Variants in ANO10 observed in about 807,000 individuals in gnomAD.
The protein encoded by ANO10 is anoctamin 10.
ANO10 carries 77 observed loss-of-function variants against 74.7 expected under a neutral mutation model. The ratio of observed to expected loss-of-function variants is 1.03; its 90% CI spans 0.86 to 1.25. The LOEUF is 1.25. Ranked by LOEUF, ANO10 falls within the 50% of genes most tolerant of loss-of-function variation. The probability of loss-of-function intolerance (pLI) is 0.00; values close to 1 mark genes in which losing one functional copy is unlikely to be tolerated. For missense variants in ANO10, 721 were observed against 778.1 expected, an observed-to-expected ratio of 0.93 and a Z score of 0.87; for synonymous variants, 279 against 284.9, an observed-to-expected ratio of 0.98 and a Z score of 0.21.
chr3:43,672,703 T>C (rs1336440307), intron 1 of ANO10, among the ~76,000 whole-genome samples: 1 of 152,208 alleles, frequency 6.6e-6, no homozygotes, highest in Non-Finnish European at 1.5e-5. Context: ...TCCATTTCTT[T>C]GTGTATTTTT....
At chr3:43,615,839 G>C (rs2083074112) in intron 1 of ANO10, among the ~76,000 whole-genome samples, 1 of 151,906 alleles carries the variant, frequency 6.6e-6, no homozygotes, top group South Asian at 2.1e-4. Context: ...ATTTTTAGTA[G>C]AGACAGGGTT....
intron 1 of ANO10, among the ~76,000 whole-genome samples, chr3:43,645,995 A>C (rs1240528252): frequency 6.6e-6 from 1 of 151,978 alleles, no homozygotes; most frequent in Non-Finnish European, 1.5e-5. Flanking sequence ...TTTTGGTAAA[A>C]AGGGGTTTTG....
At chr3:43,583,424 A>T (rs1198173724) in intron 4 of ANO10, among the ~76,000 whole-genome samples, 1 of 152,216 alleles carries the variant, frequency 6.6e-6, no homozygotes, top group African/African-American at 2.4e-5. Context: ...ATATGGCTGT[A>T]ATAGCCATTG....
chr3:43,550,084 A>G (rs1157772039), intron 10 of ANO10, among the ~76,000 whole-genome samples: 1 of 152,180 alleles, frequency 6.6e-6, no homozygotes, highest in South Asian at 2.1e-4. Context: ...AGTATGTTCT[A>G]TCTTCCTAAT....
chr3:43,567,716 C>T (rs1214807746), intron 7 of ANO10, among the ~76,000 whole-genome samples: 2 of 151,958 alleles, frequency 1.3e-5, no homozygotes, highest in African/African-American at 4.8e-5. Flanking sequence ...CTGGTACCAG[C>T]CACTGCAAAA....
At chr3:43,427,036 T>C (rs1485149080) in intron 12 of ANO10, among the ~76,000 whole-genome samples, 1 of 152,178 alleles carries the variant, frequency 6.6e-6, no homozygotes, top group Non-Finnish European at 1.5e-5. Flanking sequence ...TGTCTCCAAA[T>C]GGGATCCAAG....
intron 11 of ANO10, among the ~76,000 whole-genome samples, chr3:43,443,679 CTTTT>C (rs59685910): frequency 1.6e-5 from 2 of 122,034 alleles, no homozygotes; most frequent in Admixed American, 1.8e-4. Flanking sequence ...TTCCTTCCTT[CTTTT>C]TTTTTTTTTT....
intron 1 of ANO10, among the ~76,000 whole-genome samples, chr3:43,655,293 G>C (rs2149570412): frequency 6.6e-6 from 1 of 152,238 alleles, no homozygotes; most frequent in South Asian, 2.1e-4. Flanking sequence ...TCTGGAGCTT[G>C]TTCCTTCTGA....
intron 1 of ANO10, among the ~76,000 whole-genome samples, chr3:43,671,747 T>C (rs2084061989): frequency 6.6e-6 from 1 of 151,904 alleles, no homozygotes; most frequent in Admixed American, 6.6e-5. Context: ...AATACAAAAG[T>C]AACAGCAATA....
At chr3:43,544,706 T>C (rs1362941241) in intron 11 of ANO10, among the ~76,000 whole-genome samples, 3 of 150,600 alleles carry the variant, frequency 2.0e-5, no homozygotes, top group Admixed American at 6.6e-5. Flanking sequence ...GCCATGAGAA[T>C]TGCTTGAACC....
intron 11 of ANO10, among the ~76,000 whole-genome samples, chr3:43,523,778 T>A (rs2078064002): frequency 6.6e-6 from 1 of 152,190 alleles, no homozygotes; most frequent in African/African-American, 2.4e-5. Context: ...CAATGGGCAC[T>A]GTTAGGCGTA....
chr3:43,571,217 A>G (rs1319200109), intron 7 of ANO10, among the ~76,000 whole-genome samples: 1 of 151,792 alleles, frequency 6.6e-6, no homozygotes, highest in Non-Finnish European at 1.5e-5. Flanking sequence ...AGAAATAGGA[A>G]CACTTTTACA....
chr3:43,400,545 A>G (rs890082519), intron 12 of ANO10, among the ~76,000 whole-genome samples: 2 of 152,094 alleles, frequency 1.3e-5, no homozygotes, highest in African/African-American at 4.8e-5. Context: ...GAAGCTGAGC[A>G]GGAGAATTGC....
chr3:43,640,779 A>G (rs1575575190), intron 1 of ANO10, among the ~76,000 whole-genome samples: 1 of 152,332 alleles, frequency 6.6e-6, no homozygotes, highest in South Asian at 2.1e-4. Context: ...AAGAGAATGA[A>G]ATGGTTTTCA....
chr3:43,405,631 G>T (rs940780265), intron 12 of ANO10, among the ~76,000 whole-genome samples: 6 of 152,004 alleles, frequency 3.9e-5, no homozygotes, highest in Admixed American at 1.3e-4. Context: ...GCACTATCAC[G>T]CCCGGTTAAT....
At chr3:43,651,407 T>C (rs1301541987) in intron 1 of ANO10, among the ~76,000 whole-genome samples, 1 of 152,198 alleles carries the variant, frequency 6.6e-6, no homozygotes, top group Non-Finnish European at 1.5e-5. Flanking sequence ...TGTTTAATTG[T>C]GCAGTACAAA....
In ANO10 at chr3:43,394,646, T is replaced by C. The variant is rs911203073; in HGVS notation, c.1915-27672A>G. Among the ~76,000 whole-genome samples, 14 of 152,284 alleles carry C rather than the reference T, an allele frequency of 9.2e-5. No individual in the cohort carries two copies. In the East Asian group the frequency reaches 2.5e-3, roughly 27 times the overall value. On this transcript the variant is annotated intron_variant, in intron 12 of 12. Coordinates refer to ENST00000292246, the MANE Select transcript of ANO10 (RefSeq NM_018075.5). ...TCCCATTTTACAGAATCATTTCCCA[T>C]GGTAGTGAAGAAACCTAAGCAGCCT...
chr3:43,554,116 G>A (rs549358725), intron 10 of ANO10, among the ~76,000 whole-genome samples: 2 of 151,512 alleles, frequency 1.3e-5, no homozygotes, highest in Middle Eastern at 3.5e-3. Flanking sequence ...CCTTGGTAGT[G>A]GCATCTGCTG....
At chr3:43,590,068 A>G (rs1173858997) in intron 4 of ANO10, among the ~76,000 whole-genome samples, 1 of 152,210 alleles carries the variant, frequency 6.6e-6, no homozygotes, top group Non-Finnish European at 1.5e-5. Flanking sequence ...TTTTCATCAT[A>G]TACATGTATT....
Sources: gnomAD v4.1 joint callset for allele counts (sites outside exome capture counted in the v4.1 genomes callset) on GRCh38, gnomAD v4.1.1 for gene constraint, MANE v1.5 for transcripts, NCBI Gene and HGNC (gene_info 2026-07-23, HGNC 2026-07-21) for gene names.